The following GRM8 variants were observed in gnomAD, a reference collection of about 807,000 sequenced individuals.
GRM8 encodes glutamate metabotropic receptor 8, also known as metabotropic glutamate receptor 8.
GRM8 carries 47 observed loss-of-function variants against 87.2 expected under a neutral mutation model. The ratio of observed to expected loss-of-function variants is 0.54; its 90% CI spans 0.43 to 0.69. The LOEUF (loss-of-function observed/expected upper bound fraction) is 0.69. GRM8 is among the 30% of genes least tolerant of loss of function. GRM8 has a pLI of 0.00. For missense variants in GRM8, 1,019 were observed against 1,139.2 expected (o/e 0.89, Z 1.52); for synonymous variants, 396 against 404.5 (o/e 0.98, Z 0.25).
intron 9 of GRM8, among the ~76,000 whole-genome samples, chr7:126,513,534 C>A (rs1328249832): frequency 6.6e-6 from 1 of 152,128 alleles, no homozygotes. Context: ...AACTTGTATA[C>A]ATAGCCACTT....
chr7:127,129,155 C>G (rs1563531711), intron 2 of GRM8, among the ~76,000 whole-genome samples: 1 of 152,042 alleles, frequency 6.6e-6, no homozygotes, highest in Admixed American at 6.6e-5. Flanking sequence ...AGCAGGAACC[C>G]GGCTAAAGTC....
intron 2 of GRM8, among the ~76,000 whole-genome samples, chr7:127,169,761 T>C (rs1310790775): frequency 6.6e-6 from 1 of 152,234 alleles, no homozygotes; most frequent in Non-Finnish European, 1.5e-5. Flanking sequence ...TTAAGAATGA[T>C]GTTAAATCTA....
chr7:126,561,255 G>T (rs761225149), intron 8 of GRM8, among the ~76,000 whole-genome samples: 1 of 152,092 alleles, frequency 6.6e-6, no homozygotes, highest in Admixed American at 6.5e-5. Flanking sequence ...GGCGGATCAC[G>T]AGGTCAGGAG....
At chr7:126,623,064 A>G (rs530316003) in intron 7 of GRM8, among the ~76,000 whole-genome samples, 12 of 152,304 alleles carry the variant, frequency 7.9e-5, no homozygotes, top group African/African-American at 2.6e-4. Context: ...CAACCATTCA[A>G]TCAATTCAAA....
At position 127,052,221 on chromosome 7, in the gene GRM8, C is replaced by A. The variant is rs1461328543; in HGVS notation, c.727+54275G>T. 2.0e-5 allele frequency among the ~76,000 whole-genome samples: 3 copies of A among 152,258 alleles called. No homozygotes were observed. In the South Asian group the frequency reaches 6.2e-4, roughly 32 times the overall value. On this transcript the variant is annotated intron_variant, in intron 3 of 10. Coordinates refer to ENST00000339582, the MANE Select transcript of GRM8 (RefSeq NM_000845.3). ...TCTCTGGGCCTTCATTTCCCATTTG[C>A]AAAATAGAAGGGGCTGAGTTCAGTG...
intron 7 of GRM8, among the ~76,000 whole-genome samples, chr7:126,759,291 T>C (rs1319394153): frequency 1.3e-5 from 2 of 152,150 alleles, no homozygotes; most frequent in African/African-American, 4.8e-5. Context: ...AAGTCTCCAT[T>C]ATAATTTTTG....
chr7:127,163,071 A>G (rs1412634450), intron 2 of GRM8, among the ~76,000 whole-genome samples: 1 of 152,124 alleles, frequency 6.6e-6, no homozygotes, highest in Non-Finnish European at 1.5e-5. Flanking sequence ...GAAGGTGTGT[A>G]ACAGAGGGAT....
chr7:126,723,442 T>A (rs1284903280), intron 7 of GRM8, among the ~76,000 whole-genome samples: 1 of 151,532 alleles, frequency 6.6e-6, no homozygotes, highest in African/African-American at 2.4e-5. Flanking sequence ...TGATCTGGAA[T>A]AAAGAATGAA....
chr7:126,917,421 G>A (rs956496511), intron 3 of GRM8, among the ~76,000 whole-genome samples: 2 of 151,446 alleles, frequency 1.3e-5, no homozygotes, highest in Non-Finnish European at 1.5e-5. Context: ...ACACACACAC[G>A]ATTCTATTAC....
At chr7:126,758,157 G>A (rs1412380500) in intron 7 of GRM8, among the ~76,000 whole-genome samples, 1 of 152,154 alleles carries the variant, frequency 6.6e-6, no homozygotes, top group African/African-American at 2.4e-5. Flanking sequence ...GAGTTTTTAT[G>A]TGTGTATGCT....
chr7:126,653,080 C>G (rs1804098467), intron 7 of GRM8, among the ~76,000 whole-genome samples: 1 of 151,838 alleles, frequency 6.6e-6, no homozygotes, highest in African/African-American at 2.4e-5. Flanking sequence ...GTGTGAGAAT[C>G]AAAAGAGTTC....
intron 10 of GRM8, among the ~76,000 whole-genome samples, chr7:126,439,882 A>C (rs1801262324): frequency 7.1e-6 from 1 of 141,246 alleles, no homozygotes; most frequent in Non-Finnish European, 1.6e-5. Context: ...CAAGAAGTTT[A>C]AAAAGTAAAA....
chr7:126,703,548 C>A (rs892156771), intron 7 of GRM8, among the ~76,000 whole-genome samples: 1 of 152,114 alleles, frequency 6.6e-6, no homozygotes, highest in African/African-American at 2.4e-5. Flanking sequence ...CCTCAGAGCA[C>A]AGTGCATCCA....
At chr7:126,646,278 G>GGAAGGAAGGAAGGAAGGAAGGAAA (rs1803062755) in intron 7 of GRM8, among the ~76,000 whole-genome samples, 2 of 72,746 alleles carry the variant, frequency 2.7e-5, no homozygotes, top group Admixed American at 1.3e-4. Flanking sequence ...AAGGAAGGAA[G>GGAAGGAAGGAAGGAAGGAAGGAAA]GAAGGAAGGA....
intron 2 of GRM8, among the ~76,000 whole-genome samples, chr7:127,107,906 A>G (rs1415016920): frequency 6.6e-6 from 1 of 152,204 alleles, no homozygotes; most frequent in Non-Finnish European, 1.5e-5. Context: ...GCAGCAGCAG[A>G]GCAATGTGCT....
chr7:126,521,177 C>G (rs902273260), intron 9 of GRM8, among the ~76,000 whole-genome samples: 2 of 152,036 alleles, frequency 1.3e-5, no homozygotes, highest in Non-Finnish European at 2.9e-5. Context: ...TCTGCAGAAG[C>G]TATAAGTACA....
At chr7:126,492,132 C>T (rs1808087487) in intron 9 of GRM8, among the ~76,000 whole-genome samples, 1 of 152,042 alleles carries the variant, frequency 6.6e-6, no homozygotes, top group Admixed American at 6.6e-5. Context: ...TCTCAGCTTA[C>T]TGCAACCTCC....
At chr7:127,110,669 A>G (rs1826266219) in intron 2 of GRM8, among the ~76,000 whole-genome samples, 2 of 152,134 alleles carry the variant, frequency 1.3e-5, no homozygotes, top group South Asian at 2.1e-4. Context: ...TTGGTTAGGA[A>G]AAACGCTTTT....
chr7:127,061,130 A>T lies in GRM8; in HGVS notation c.727+45366T>A, dbSNP rs368660889. On this transcript the variant is annotated intron_variant, in intron 3 of 10. Coordinates refer to ENST00000339582, the MANE Select transcript of GRM8 (RefSeq NM_000845.3). ...CTTCTACTTCTTTAGGACTCCTAAG[A>T]TTCACATGAACTGAAGCAAAATATC... 2.6e-5 allele frequency among the ~76,000 whole-genome samples: 4 copies of T among 152,338 alleles called. No individual in the cohort carries two copies. The East Asian group carries it at 5.8e-4, about 22-fold the overall frequency.
Sources: allele counts gnomAD v4.1 joint callset (sites outside exome capture counted in the v4.1 genomes callset), GRCh38; gene constraint gnomAD v4.1.1; transcripts MANE v1.5; gene names NCBI Gene and HGNC (gene_info 2026-07-23, HGNC 2026-07-21).